The following SUMF1 variants were observed in gnomAD, a reference collection of about 807,000 sequenced individuals.
The protein encoded by SUMF1 is formylglycine-generating enzyme.
Under a neutral mutation model 47.6 loss-of-function variants are expected in SUMF1, and 48 were observed. That is an observed-to-expected ratio of 1.01 (90% CI 0.80 to 1.28). SUMF1 has a LOEUF of 1.28. Ranked by LOEUF, SUMF1 falls within the 50% of genes most tolerant of loss-of-function variation. The probability of loss-of-function intolerance (pLI) is 0.00; values close to 1 mark genes in which losing one functional copy is unlikely to be tolerated. For synonymous variants in SUMF1, 230 were observed against 192.1 expected (o/e 1.20, Z -1.63); for missense variants, 571 against 485.4 (o/e 1.18, Z -1.66).
chr3:4,328,129 G>A (rs1373080920), intron 8 of SUMF1, among the ~76,000 whole-genome samples: 1 of 152,048 alleles, frequency 6.6e-6, no homozygotes, highest in Non-Finnish European at 1.5e-5. Flanking sequence ...GAGGTGGGAG[G>A]ATTGTGTGAG....
At chr3:4,457,709 C>T (rs1432698803) in intron 1 of SUMF1, among the ~76,000 whole-genome samples, 1 of 152,116 alleles carries the variant, frequency 6.6e-6, no homozygotes, top group East Asian at 1.9e-4. Context: ...TGAAATTAGA[C>T]CCTTATCTCA....
chr3:4,140,350 A>T (rs1694043950), intron 8 of SUMF1, among the ~76,000 whole-genome samples: 1 of 152,020 alleles, frequency 6.6e-6, no homozygotes, highest in African/African-American at 2.4e-5. Flanking sequence ...CACAACCAAC[A>T]TTCCTTGAAA....
At chr3:4,362,809 G>C (rs116201579) in intron 8 of SUMF1, among the ~76,000 whole-genome samples, 1,874 of 152,208 alleles carry the variant, frequency 0.012, 21 homozygotes, top group African/African-American at 0.022. Flanking sequence ...AGCTACTCTA[G>C]AGGTTGAAGT....
intron 3 of SUMF1, among the ~76,000 whole-genome samples, chr3:4,429,152 G>A (rs2125067211): frequency 6.6e-6 from 1 of 152,340 alleles, no homozygotes; most frequent in Admixed American, 6.5e-5. Context: ...ATTTCCACAA[G>A]TAGCATCACT....
At chr3:4,054,169 ATAACTTT>A in intron 9 of SUMF1, among the ~76,000 whole-genome samples, 1 of 132,050 alleles carries the variant, frequency 7.6e-6, no homozygotes, top group East Asian at 3.6e-4. Context: ...TGCAAGATAA[ATAACTTT>A]TAAATAAATG....
chr3:4,059,879 T>A (rs1695249538), intron 9 of SUMF1, among the ~76,000 whole-genome samples: 1 of 150,228 alleles, frequency 6.7e-6, no homozygotes, highest in Non-Finnish European at 1.5e-5. Context: ...ATGTGCTGGA[T>A]AAGGAGAATA....
At chr3:4,098,041 C>T (rs1193708308) in intron 8 of SUMF1, among the ~76,000 whole-genome samples, 2 of 152,132 alleles carry the variant, frequency 1.3e-5, no homozygotes, top group Non-Finnish European at 2.9e-5. Flanking sequence ...AACAATGTCT[C>T]CGCTGAAATG....
At chr3:4,163,964 A>C (rs535460629) in intron 8 of SUMF1, among the ~76,000 whole-genome samples, 57 of 152,258 alleles carry the variant, frequency 3.7e-4, no homozygotes, top group South Asian at 3.7e-3. Flanking sequence ...AGCCAAACAG[A>C]AAGTCAGCAA....
intron 8 of SUMF1, among the ~76,000 whole-genome samples, chr3:4,355,283 G>C (rs1699593584): frequency 6.6e-6 from 1 of 152,242 alleles, no homozygotes; most frequent in Non-Finnish European, 1.5e-5. Flanking sequence ...CCTGAGCCTA[G>C]GAGGTAGAGG....
chr3:4,172,615 CAT>C (rs1236617421), intron 8 of SUMF1, among the ~76,000 whole-genome samples: 1 of 152,160 alleles, frequency 6.6e-6, no homozygotes, highest in African/African-American at 2.4e-5. Flanking sequence ...GAATAAGTTT[CAT>C]ATGTTTGTTG....
chr3:4,271,622 C>T (rs144092008), intron 8 of SUMF1, among the ~76,000 whole-genome samples: 2 of 152,270 alleles, frequency 1.3e-5, no homozygotes, highest in African/African-American at 2.4e-5. Context: ...CCGCCTCAGT[C>T]TCCCAAGTAG....
chr3:4,424,403 C>T (rs1332893395), intron 3 of SUMF1, among the ~76,000 whole-genome samples: 2 of 152,128 alleles, frequency 1.3e-5, no homozygotes, highest in Non-Finnish European at 2.9e-5. Flanking sequence ...TCACCAATCT[C>T]AATGAGGTGC....
chr3:4,068,811 T>C lies in SUMF1; in HGVS notation c.1015-66A>G, dbSNP rs928634398. On this transcript the variant is annotated intron_variant and NMD_transcript_variant, in intron 8 of 12. Transcript: ENST00000448413. ...ACATGAATAGGTAATATTTATTTAT[T>C]TGTCATGTGACAGGCATGCTAAATT... 6 of 218,640 alleles carry C rather than the reference T, an allele frequency of 2.7e-5. No homozygotes were observed. In the Admixed American group the frequency reaches 3.2e-4, roughly 12 times the overall value. The allele number at this position is 218,640 out of a possible 1,614,324, so 13.5% of individuals were successfully genotyped here.
intron 9 of SUMF1, among the ~76,000 whole-genome samples, chr3:4,052,621 T>C (rs79761663): frequency 0.018 from 2,687 of 152,298 alleles, 69 homozygotes; most frequent in African/African-American, 0.062. Context: ...TTAAGAAAAC[T>C]ACTACTTACC....
intron 8 of SUMF1, among the ~76,000 whole-genome samples, chr3:4,164,292 T>A (rs1225748755): frequency 6.6e-6 from 1 of 152,136 alleles, no homozygotes; most frequent in Non-Finnish European, 1.5e-5. Context: ...GAGAAGGCCA[T>A]GCCAGTGTCC....
At chr3:4,039,893 T>G (rs1284033712) in intron 9 of SUMF1, among the ~76,000 whole-genome samples, 1 of 152,002 alleles carries the variant, frequency 6.6e-6, no homozygotes, top group East Asian at 1.9e-4. Flanking sequence ...CACGGTGGCA[T>G]ATACCTATAA....
chr3:4,237,977 G>A (rs1034148907), intron 8 of SUMF1, among the ~76,000 whole-genome samples: 5 of 150,870 alleles, frequency 3.3e-5, no homozygotes, highest in African/African-American at 1.2e-4. Context: ...TCCCCTCCCT[G>A]TTTCCATGTG....
chr3:4,037,074 G>C (rs535757813), intron 9 of SUMF1, among the ~76,000 whole-genome samples: 185 of 152,134 alleles, frequency 1.2e-3, no homozygotes, highest in African/African-American at 4.2e-3. Context: ...ATAAATTCAA[G>C]TATTCCCAAA....
chr3:4,224,238 G>A (rs1010136830), intron 8 of SUMF1, among the ~76,000 whole-genome samples: 3 of 152,136 alleles, frequency 2.0e-5, no homozygotes, highest in East Asian at 1.9e-4. Flanking sequence ...GGTTAGTTTC[G>A]CATTACTTAG....
Sources: allele counts gnomAD v4.1 joint callset (sites outside exome capture counted in the v4.1 genomes callset), GRCh38; gene constraint gnomAD v4.1.1; transcripts MANE v1.5; gene names NCBI Gene and HGNC (gene_info 2026-07-23, HGNC 2026-07-21).